CLOCK: variants seen among roughly 807,000 people sequenced by gnomAD.
The protein encoded by CLOCK is circadian locomoter output cycles protein kaput.
CLOCK carries 43 observed loss-of-function variants against 118.4 expected under a neutral mutation model. The ratio of observed to expected loss-of-function variants is 0.36; its 90% CI spans 0.28 to 0.47. The LOEUF is 0.47. CLOCK is among the 20% of genes least tolerant of loss of function. The pLI, the probability that CLOCK is intolerant of heterozygous loss-of-function variation, is 1.00. For missense variants in CLOCK, 846 were observed against 999.9 expected (o/e 0.85, Z 2.08); for synonymous variants, 326 against 339.2 (o/e 0.96, Z 0.43).
rs1162584783 is a variant in CLOCK at position 55,428,954 on chromosome 4, A to G, written c.*6461T>C. On this transcript the variant is annotated 3_prime_UTR_variant, in exon 23 of 23. Coordinates refer to ENST00000513440, the MANE Select transcript of CLOCK (RefSeq NM_004898.4). ...TCATTCCAGTATGGTCTGAATGGTA[A>G]CTGTTCTGGCTGACACATCTTTTTT... 6.6e-6 allele frequency: 1 copy of G among 150,938 alleles called. No homozygotes were observed. The highest frequency in any genetic ancestry group is 2.0e-4 in the East Asian group (1 of 5,118). 9.3% of individuals were successfully genotyped at this position (150,938 alleles called of 1,614,324 possible). A position where few individuals can be genotyped will look rare whatever the true frequency, so the allele number is the denominator to read the frequency against.
chr4:55,465,871 G>C (rs926050186), intron 8 of CLOCK, among the ~76,000 whole-genome samples: 4 of 152,144 alleles, frequency 2.6e-5, no homozygotes, highest in Admixed American at 2.6e-4. Context: ...AGAATCGCTT[G>C]AATCCAGGAG....
At chr4:55,453,954 T>G in intron 13 of CLOCK, 130 bp from the exon 14 acceptor site, 1 of 682,834 alleles carries the variant, frequency 1.5e-6, no homozygotes, top group Non-Finnish European at 2.4e-6. Context: ...ATAACATATA[T>G]GTCAATATGA....
Position 55,463,732 on chromosome 4 carries a change from G to A in CLOCK, c.512C>T (p.Ser171Phe), listed in dbSNP as rs768013881. ...TGAATCACTTTCCAGCAGATGAGTA[G>A]AGAGTATTTTATAAACCTCTGAATG... The part of the protein sequence containing the change: ...GEHSEVYKIL[S>F]THLLESDSLT... The change falls in exon 9 of 23, where the codon TCT becomes TTT. Residue 171 changes from serine (S) to phenylalanine (F), a missense_variant. Physicochemically the swap from Ser to Phe is radical, Grantham distance 155. Transcript: ENST00000513440. The A allele has an allele frequency of 6.2e-7, 1 of 1,612,684 alleles. No individual in the cohort carries two copies. The highest frequency in any genetic ancestry group is 8.5e-7 in the Non-Finnish European group (1 of 1,179,024).
chr4:55,504,318 G>C (rs1728659449), intron 2 of CLOCK, among the ~76,000 whole-genome samples: 1 of 147,428 alleles, frequency 6.8e-6, no homozygotes, highest in Non-Finnish European at 1.5e-5. Flanking sequence ...CACAACTTGA[G>C]GCTTCACATC....
Position 55,458,943 on chromosome 4 carries a change from A to C in CLOCK, c.741T>G (p.Asp247Glu). 6.2e-7 allele frequency: 1 copy of C among 1,613,972 alleles called. No homozygotes were observed. Among genetic ancestry groups the C allele is most frequent in the Non-Finnish European group, 8.5e-7 (1 of 1,179,932 alleles). ...IQRTHRPSYE[D>E]RVCFVATVRL... ...TGACAGTAGCTACAAAACAAACTCT[A>C]TCTTCATAAGATGGCCTATGTGTGC... is the stretch of plus-strand genomic sequence containing the variant. Residue 247 changes from aspartate to glutamate, a missense_variant, in exon 11 of 23, where the codon GAT (aspartate) becomes GAG (glutamate). Physicochemically the swap from Asp to Glu is conservative, Grantham distance 45. Transcript: ENST00000513440.
At chr4:55,470,518 T>G (rs542431814) in intron 8 of CLOCK, among the ~76,000 whole-genome samples, 199 bp downstream of exon 8, 20 of 151,546 alleles carry the variant, frequency 1.3e-4, no homozygotes, top group African/African-American at 4.7e-4. Context: ...TGCATAACTA[T>G]AGTTGAATAT....
intron 1 of CLOCK, among the ~76,000 whole-genome samples, chr4:55,514,817 T>C (rs1729388767): frequency 6.6e-6 from 1 of 152,206 alleles, no homozygotes; most frequent in African/African-American, 2.4e-5. Context: ...TTTATGTTCA[T>C]AAGAGATATT....
intron 1 of CLOCK, among the ~76,000 whole-genome samples, chr4:55,512,832 G>T (rs1193806782): frequency 2.6e-5 from 4 of 152,040 alleles, no homozygotes; most frequent in Non-Finnish European, 5.9e-5. Flanking sequence ...CCATTGTATT[G>T]TCTTTGTTCC....
intron 15 of CLOCK, among the ~76,000 whole-genome samples, chr4:55,450,879 G>A (rs762497646): frequency 3.3e-5 from 5 of 151,982 alleles, no homozygotes; most frequent in African/African-American, 7.3e-5. Context: ...GAATGCCTGC[G>A]GTGCCAACTA....
At chr4:55,516,002 G>A (rs1729486120) in intron 1 of CLOCK, among the ~76,000 whole-genome samples, 1 of 152,150 alleles carries the variant, frequency 6.6e-6, no homozygotes, top group Non-Finnish European at 1.5e-5. Flanking sequence ...TAATCTTCAA[G>A]TATTTGGGGA....
chr4:55,449,258 TTAAG>T (rs574360628), intron 17 of CLOCK, 134 bp downstream of exon 17: 30 of 746,940 alleles, frequency 4.0e-5, no homozygotes, highest in African/African-American at 3.8e-4. Context: ...AAAGGAAGTC[TTAAG>T]TAAGTGTCAC....
At position 55,475,999 on chromosome 4, in the gene CLOCK, G is replaced by C; in HGVS notation, c.312C>G (p.Phe104Leu). 1 of 1,612,650 alleles carries C rather than the reference G, an allele frequency of 6.2e-7. No individual in the cohort carries two copies. The highest frequency in any genetic ancestry group is 1.1e-5 in the South Asian group (1 of 91,010). The change falls in exon 7 of 23, where the codon TTC (phenylalanine) becomes TTG (leucine). Residue 104 changes from phenylalanine (F) to leucine (L), a missense_variant. By Grantham distance (22) the Phe-to-Leu change is conservative. This residue lies in a region of CLOCK where 246 missense variants were observed against 300.2 expected (regional missense o/e 0.82). Coordinates refer to ENST00000513440, the MANE Select transcript of CLOCK (RefSeq NM_004898.4). ...SEIRQDWKPT[F>L]LSNEEFTQLM... ...ATTGTGTAAACTCTTCATTACTAAG[G>C]AATGTAGGTTTCCAGTCCTGTCGAA...
Position 55,434,750 on chromosome 4 carries a change from T to C in CLOCK, c.*665A>G, listed in dbSNP as rs184653993. On this transcript the variant is annotated 3_prime_UTR_variant, in exon 23 of 23. Coordinates refer to ENST00000513440, the MANE Select transcript of CLOCK (RefSeq NM_004898.4). The stretch of plus-strand genomic sequence containing the variant: ...AAAACAGGATGGATCAGTTTGCACA[T>C]GGTGTCAGAATTTCAGGAAAGGTGC... 6.4e-6 allele frequency: 1 copy of C among 155,318 alleles called. No homozygotes were observed. Among genetic ancestry groups the C allele is most frequent in the African/African-American group, 2.4e-5 (1 of 41,580 alleles). 9.6% of individuals were successfully genotyped at this position (155,318 alleles called of 1,614,324 possible).
intron 7 of CLOCK, among the ~76,000 whole-genome samples, chr4:55,473,360 A>C (rs1456451063): frequency 1.3e-5 from 2 of 152,240 alleles, no homozygotes; most frequent in Non-Finnish European, 2.9e-5. Context: ...TATTGTAAGG[A>C]TTCAGTGAGT....
intron 1 of CLOCK, among the ~76,000 whole-genome samples, chr4:55,519,584 C>T (rs1189687072): frequency 6.6e-6 from 1 of 151,954 alleles, no homozygotes; most frequent in Admixed American, 6.6e-5. Context: ...TTGAGGCATT[C>T]GAGACCAGCC....
intron 1 of CLOCK, among the ~76,000 whole-genome samples, chr4:55,532,673 A>C (rs1412389478): frequency 2.0e-5 from 3 of 152,014 alleles, no homozygotes; most frequent in Non-Finnish European, 4.4e-5. Context: ...TTGAGACCTT[A>C]TCTCTCTATA....
chr4:55,537,507 A>C (rs1730982567), intron 1 of CLOCK, among the ~76,000 whole-genome samples: 1 of 151,982 alleles, frequency 6.6e-6, no homozygotes, highest in South Asian at 2.1e-4. Flanking sequence ...TAATCCCAGC[A>C]CTTAATAGAC....
At chr4:55,544,196 A>ACACACACC (rs1553905279) in intron 1 of CLOCK, among the ~76,000 whole-genome samples, 1 of 135,788 alleles carries the variant, frequency 7.4e-6, no homozygotes, top group African/African-American at 2.6e-5. Context: ...ACACACACAC[A>ACACACACC]CACCCCAATT....
intron 1 of CLOCK, among the ~76,000 whole-genome samples, chr4:55,522,195 T>A (rs1368810439): frequency 6.6e-6 from 1 of 152,174 alleles, no homozygotes; most frequent in Non-Finnish European, 1.5e-5. Flanking sequence ...AATACCTTCA[T>A]ATCTATAGAG....
Sources: gnomAD v4.1 joint callset for allele counts (sites outside exome capture counted in the v4.1 genomes callset) on GRCh38, gnomAD v4.1.1 for gene constraint, gnomAD v4.1.1 regional missense constraint, MANE v1.5 for transcripts, NCBI Gene and HGNC (gene_info 2026-07-23, HGNC 2026-07-21) for gene names.